Variants in OXSR1 observed in about 807,000 individuals in gnomAD.
OXSR1 encodes the protein serine/threonine-protein kinase OSR1.
OXSR1 carries 24 observed loss-of-function variants against 79.8 expected under a neutral mutation model. The ratio of observed to expected loss-of-function variants is 0.30; its 90% CI spans 0.22 to 0.42. OXSR1 has a LOEUF of 0.42. Ranked by LOEUF, OXSR1 falls within the 10% of genes least tolerant of loss-of-function variation. The pLI is 1.00. For synonymous variants in OXSR1, 226 were observed against 209.2 expected, an observed-to-expected ratio of 1.08 and a Z score of -0.69; for missense variants, 430 against 618.4, an observed-to-expected ratio of 0.70 and a Z score of 3.23.
At chr3:38,250,257 A>G (rs1703228707) in intron 15 of OXSR1, 1 of 442,600 alleles carries the variant, frequency 2.3e-6, no homozygotes, top group Non-Finnish European at 4.0e-6. Flanking sequence ...ACAGCTTACT[A>G]TAGGCCAGGC....
intron 11 of OXSR1, 119 bp downstream of exon 11, chr3:38,237,080 A>G: frequency 8.5e-6 from 7 of 818,976 alleles, no homozygotes; most frequent in Non-Finnish European, 1.1e-5. Flanking sequence ...CTTATTAATA[A>G]TAGGAGCCCA....
At chr3:38,165,409 C>G (rs1402443496), upstream of OXSR1, 1 of 166,440 alleles carries the variant, frequency 6.0e-6, no homozygotes, top group Non-Finnish European at 1.3e-5. Context: ...TCTCGGGTTT[C>G]TAGCTTGCTC....
At chr3:38,199,274 T>C (rs1054198097) in intron 4 of OXSR1, among the ~76,000 whole-genome samples, 1 of 144,390 alleles carries the variant, frequency 6.9e-6, no homozygotes, top group African/African-American at 2.5e-5. Context: ...GCCTTTTTTC[T>C]TTTTTTTTTT....
intron 2 of OXSR1, among the ~76,000 whole-genome samples, chr3:38,189,838 A>G (rs774669542): frequency 2.0e-5 from 3 of 152,240 alleles, no homozygotes; most frequent in Admixed American, 2.0e-4. Flanking sequence ...TTGAGAATCT[A>G]CTTTTGAGTA....
chr3:38,243,887 C>T (rs1297631503), intron 12 of OXSR1, among the ~76,000 whole-genome samples: 3 of 152,146 alleles, frequency 2.0e-5, no homozygotes, highest in African/African-American at 7.2e-5. Flanking sequence ...TTACATATGC[C>T]ATGTCAGTTA....
chr3:38,254,307 C>T lies in OXSR1; in HGVS notation c.*1416C>T. 5.0e-6 allele frequency: 2 copies of T among 398,430 alleles called. No individual in the cohort carries two copies. The highest frequency in any genetic ancestry group is 4.4e-6 in the Non-Finnish European group (1 of 225,788). 24.7% of individuals were successfully genotyped at this position (398,430 alleles called of 1,614,324 possible). ...TTTTCTCTTGGAACATATCTGAAAA[C>T]CTTCCCCACAAATAACTTGTCACAC... On this transcript the variant is annotated 3_prime_UTR_variant, in exon 18 of 18. Transcript: ENST00000311806.
At chr3:38,200,992 G>C (rs1370426768) in intron 4 of OXSR1, among the ~76,000 whole-genome samples, 3 of 152,136 alleles carry the variant, frequency 2.0e-5, no homozygotes, top group Non-Finnish European at 4.4e-5. Context: ...TGACATCTTG[G>C]ATTATTAGTG....
intron 2 of OXSR1, among the ~76,000 whole-genome samples, chr3:38,185,568 A>G (rs934757574): frequency 6.6e-6 from 1 of 152,224 alleles, no homozygotes; most frequent in African/African-American, 2.4e-5. Context: ...CTTGGGTGAC[A>G]GAGCAAGACT....
intron 11 of OXSR1, among the ~76,000 whole-genome samples, chr3:38,241,026 A>C (rs946986389): frequency 6.6e-6 from 1 of 152,156 alleles, no homozygotes; most frequent in Non-Finnish European, 1.5e-5. Flanking sequence ...TATAGGGGGA[A>C]GTTTTGATAA....
chr3:38,242,841 C>A, intron 12 of OXSR1, 63 bp downstream of exon 12: 1 of 1,023,354 alleles, frequency 9.8e-7, no homozygotes, highest in Non-Finnish European at 1.5e-6. Context: ...GGTTTCAATT[C>A]GAAGTGCTTT....
At chr3:38,184,384 A>T (rs1701841415) in intron 2 of OXSR1, among the ~76,000 whole-genome samples, 1 of 152,202 alleles carries the variant, frequency 6.6e-6, no homozygotes. Context: ...TCGAAATCTT[A>T]TTTTAAGATC....
rs1701436623 is a variant in OXSR1, at chr3:38,165,808, G to A, written c.-69G>A. On this transcript the variant is annotated 5_prime_UTR_variant, in exon 1 of 18. Transcript: ENST00000311806. ...GGCGGCGGCGGCTGTTGGGGGTGGG[G>A]AGACGCGCGGCGAGGAGACGAGCGA... 3.7e-6 allele frequency: 5 copies of A among 1,365,192 alleles called. No individual in the cohort carries two copies. The highest frequency in any genetic ancestry group is 4.1e-6 in the Non-Finnish European group (4 of 976,896). The allele number at this position is 1,365,192 out of a possible 1,614,324, so 84.6% of individuals were successfully genotyped here.
intron 10 of OXSR1, among the ~76,000 whole-genome samples, chr3:38,236,386 G>A (rs1421999981): frequency 1.3e-5 from 2 of 152,156 alleles, no homozygotes; most frequent in African/African-American, 4.8e-5. Flanking sequence ...GAAGCTGAAG[G>A]TTAGGAGGTT....
At chr3:38,200,525 C>CATTTAAAGGGGAGGAACAGGGAAT (rs1266311519) in intron 4 of OXSR1, among the ~76,000 whole-genome samples, 6 of 152,034 alleles carry the variant, frequency 3.9e-5, no homozygotes, top group Non-Finnish European at 8.8e-5. Flanking sequence ...ATTTTAGATA[C>CATTTAAAGGGGAGGAACAGGGAAT]ATTTAAAGGG....
Position 38,232,207 on chromosome 3 carries a change from C to T in OXSR1, c.951+1777C>T, listed in dbSNP as rs568420517. ...GGCTGAGGTGGGAGGATAGCTTGAT[C>T]GCAGGAGTTCAAGGCTAGCCTGAGC... On this transcript the variant is annotated intron_variant, in intron 10 of 17. Transcript: ENST00000311806. 9.2e-5 allele frequency among the ~76,000 whole-genome samples: 14 copies of T among 151,920 alleles called. No individual in the cohort carries two copies. In the South Asian group the frequency reaches 1.0e-3, roughly 11 times the overall value.
intron 5 of OXSR1, among the ~76,000 whole-genome samples, chr3:38,219,118 A>G (rs1297016798): frequency 1.3e-5 from 2 of 152,150 alleles, no homozygotes; most frequent in Admixed American, 1.3e-4. Flanking sequence ...ATGTTTCCTT[A>G]GCATTGTAGC....
chr3:38,199,708 A>AT (rs1016535983), intron 4 of OXSR1, among the ~76,000 whole-genome samples: 20 of 151,860 alleles, frequency 1.3e-4, no homozygotes, highest in African/African-American at 4.4e-4. Flanking sequence ...TTCTAGTCTG[A>AT]TTTTTTTTCT....
intron 2 of OXSR1, among the ~76,000 whole-genome samples, chr3:38,188,929 A>T (rs188194766): frequency 7.6e-4 from 116 of 152,308 alleles, no homozygotes; most frequent in African/African-American, 2.2e-3. Context: ...TGTAAGTTTC[A>T]TGAGGACTCC....
intron 8 of OXSR1, among the ~76,000 whole-genome samples, chr3:38,228,262 T>C (rs968641869): frequency 2.0e-5 from 3 of 152,110 alleles, no homozygotes; most frequent in Non-Finnish European, 4.4e-5. Context: ...AGTTGTACTT[T>C]AGAAAGAAGG....
Sources: allele counts gnomAD v4.1 joint callset (sites outside exome capture counted in the v4.1 genomes callset), GRCh38; gene constraint gnomAD v4.1.1; transcripts MANE v1.5; gene names NCBI Gene and HGNC (gene_info 2026-07-23, HGNC 2026-07-21).